TIAM1: variants seen among roughly 807,000 people sequenced by gnomAD.
TIAM1 encodes the protein TIAM Rac1 associated GEF 1.
Under a neutral mutation model 163.5 loss-of-function variants are expected in TIAM1, and 65 were observed. The ratio of observed to expected loss-of-function variants is 0.40; its 90% confidence interval spans 0.33 to 0.49. The LOEUF (loss-of-function observed/expected upper bound fraction) is 0.49, where lower values mean the gene tolerates loss of function less well. Ranked by LOEUF, TIAM1 falls within the 20% of genes least tolerant of loss-of-function variation. The pLI, the probability that TIAM1 is intolerant of heterozygous loss-of-function variation, is 0.77. For missense variants in TIAM1, 1,789 were observed against 2,044.7 expected, an observed-to-expected ratio of 0.87 and a Z score of 2.41; for synonymous variants, 833 against 810.1, an observed-to-expected ratio of 1.03 and a Z score of -0.48.
rs556990435 is a variant in TIAM1, at chr21:31,261,706, C to G, written c.963+4304G>C. ...CCATCCTGGGCAACAGAGTGAGACT[C>G]CGTCTCAAAAAAAAGAATACCTGGG... On this transcript the variant is annotated intron_variant, in intron 4 of 27. Coordinates refer to ENST00000541036, the MANE Select transcript of TIAM1 (RefSeq NM_001353694.2). 1.1e-4 allele frequency among the ~76,000 whole-genome samples: 15 copies of G among 133,504 alleles called. No individual in the cohort carries two copies. The East Asian group carries it at 2.8e-3, about 25-fold the overall frequency. 87.6% of individuals were successfully genotyped at this position (133,504 alleles called of 152,430 possible). A position where few individuals can be genotyped will look rare whatever the true frequency, so the allele number is the denominator to read the frequency against.
At chr21:31,194,771 T>C (rs1321724042) in intron 13 of TIAM1, among the ~76,000 whole-genome samples, 1 of 152,238 alleles carries the variant, frequency 6.6e-6, no homozygotes, top group African/African-American at 2.4e-5. Context: ...TGAAGTAAGC[T>C]AAGTTAAACA....
At chr21:31,454,400 A>ATG (rs2045007330) in intron 2 of TIAM1, among the ~76,000 whole-genome samples, 2 of 152,370 alleles carry the variant, frequency 1.3e-5, no homozygotes, top group African/African-American at 2.4e-5. Context: ...CATGTGTACT[A>ATG]TGATCCTTTC....
At chr21:31,127,857 A>G (rs1055770679) in intron 25 of TIAM1, among the ~76,000 whole-genome samples, 5 of 152,200 alleles carry the variant, frequency 3.3e-5, no homozygotes, top group African/African-American at 1.2e-4. Flanking sequence ...ACGACAGGTA[A>G]GCCTTTGCTG....
chr21:31,215,568 GAAAAAAAAAAAA>G (rs398040071), intron 9 of TIAM1, among the ~76,000 whole-genome samples: 1 of 75,546 alleles, frequency 1.3e-5, no homozygotes, highest in African/African-American at 4.5e-5. Flanking sequence ...TCTCAAAAAA[GAAAAAAAAAAAA>G]AAAAAAAAAG....
intron 1 of TIAM1, among the ~76,000 whole-genome samples, chr21:31,494,542 C>G (rs898212184): frequency 1.4e-4 from 21 of 152,260 alleles, no homozygotes; most frequent in Admixed American, 1.1e-3. Flanking sequence ...GAAAAGTCAG[C>G]GTAGAAGACT....
intron 2 of TIAM1, among the ~76,000 whole-genome samples, chr21:31,365,243 G>A (rs972609390): frequency 3.9e-5 from 6 of 152,058 alleles, no homozygotes; most frequent in South Asian, 4.2e-4. Context: ...CTAACACAAC[G>A]CACATTTTCT....
intron 2 of TIAM1, among the ~76,000 whole-genome samples, chr21:31,392,308 C>T (rs957061376): frequency 3.3e-5 from 5 of 152,068 alleles, no homozygotes; most frequent in South Asian, 2.1e-4. Flanking sequence ...CGGTGGCTCA[C>T]GCCTGTAATC....
intron 1 of TIAM1, among the ~76,000 whole-genome samples, chr21:31,473,397 T>G (rs1370432471): frequency 2.5e-5 from 3 of 119,508 alleles, no homozygotes; most frequent in Non-Finnish European, 4.8e-5. Flanking sequence ...GCCACTGCAC[T>G]CTAGGCTGGG....
At chr21:31,421,016 G>A (rs779312979) in intron 2 of TIAM1, among the ~76,000 whole-genome samples, 5 of 151,992 alleles carry the variant, frequency 3.3e-5, no homozygotes, top group East Asian at 1.9e-4. Flanking sequence ...CAGCTACTTC[G>A]GAGGCTGAGG....
intron 1 of TIAM1, among the ~76,000 whole-genome samples, chr21:31,522,651 G>C (rs2047642651): frequency 6.6e-6 from 1 of 152,146 alleles, no homozygotes; most frequent in Admixed American, 6.5e-5. Flanking sequence ...TAGTAAATGG[G>C]CCAAACCACC....
intron 2 of TIAM1, among the ~76,000 whole-genome samples, chr21:31,429,892 C>T (rs932728472): frequency 6.6e-6 from 1 of 152,156 alleles, no homozygotes; most frequent in Non-Finnish European, 1.5e-5. Context: ...CAGTCTTCCA[C>T]AGACTTCTTT....
intron 1 of TIAM1, among the ~76,000 whole-genome samples, chr21:31,508,301 CCTAGG>C: frequency 6.6e-6 from 1 of 152,162 alleles, no homozygotes; most frequent in East Asian, 1.9e-4. Context: ...GGAACGTAGT[CCTAGG>C]TTGGATTCTT....
intron 17 of TIAM1, among the ~76,000 whole-genome samples, chr21:31,153,513 T>C (rs964136900): frequency 4.6e-5 from 7 of 152,122 alleles, no homozygotes; most frequent in African/African-American, 1.7e-4. Flanking sequence ...AACCCCTGAT[T>C]TAAAAGACTA....
intron 1 of TIAM1, among the ~76,000 whole-genome samples, chr21:31,488,060 G>A (rs763379878): frequency 6.6e-6 from 1 of 152,112 alleles, no homozygotes; most frequent in Non-Finnish European, 1.5e-5. Flanking sequence ...CTGACCTCAG[G>A]TGATCCACCC....
intron 2 of TIAM1, among the ~76,000 whole-genome samples, chr21:31,365,355 G>A (rs1221933884): frequency 6.6e-6 from 1 of 151,424 alleles, no homozygotes; most frequent in Non-Finnish European, 1.5e-5. Context: ...GGAAGCACCT[G>A]CTGGCAGGGT....
chr21:31,329,159 C>A (rs2075593262), intron 2 of TIAM1, among the ~76,000 whole-genome samples: 1 of 152,102 alleles, frequency 6.6e-6, no homozygotes, highest in African/African-American at 2.4e-5. Flanking sequence ...GAACGAACCC[C>A]CCACAAATAC....
chr21:31,537,588 C>G (rs1356717556), intron 1 of TIAM1, among the ~76,000 whole-genome samples: 2 of 151,970 alleles, frequency 1.3e-5, no homozygotes, highest in African/African-American at 4.8e-5. Flanking sequence ...CCTGTCTCTA[C>G]TAAAAATACA....
At chr21:31,542,287 C>G (rs954017485) in intron 1 of TIAM1, among the ~76,000 whole-genome samples, 1 of 151,924 alleles carries the variant, frequency 6.6e-6, no homozygotes, top group Non-Finnish European at 1.5e-5. Context: ...ATTAGCCGGG[C>G]GTGGTGGTGT....
chr21:31,216,517 C>A (rs1298450699), intron 9 of TIAM1, among the ~76,000 whole-genome samples: 1 of 152,168 alleles, frequency 6.6e-6, no homozygotes. Context: ...TCTAAACAAG[C>A]AGTTCTGGAG....
Sources: gnomAD v4.1 joint callset for allele counts (sites outside exome capture counted in the v4.1 genomes callset) on GRCh38, gnomAD v4.1.1 for gene constraint, MANE v1.5 for transcripts, NCBI Gene and HGNC (gene_info 2026-07-23, HGNC 2026-07-21) for gene names.